The following RHBDD1 variants were observed in gnomAD, a reference collection of about 807,000 sequenced individuals.
The protein encoded by RHBDD1 is rhomboid-related protein 4.
Under a neutral mutation model 36.3 loss-of-function variants are expected in RHBDD1, and 38 were observed. The observed-to-expected ratio is 1.05, with a 90% CI of 0.81 to 1.37. RHBDD1 has a LOEUF of 1.37. Among genes scored for constraint, RHBDD1 ranks in the 40% most tolerant of loss-of-function variants. The pLI, the probability that RHBDD1 is intolerant of heterozygous loss-of-function variation, is 0.00. For missense variants in RHBDD1, 393 were observed against 377.6 expected, an observed-to-expected ratio of 1.04 and a Z score of -0.34; for synonymous variants, 151 against 136.5, an observed-to-expected ratio of 1.11 and a Z score of -0.74.
intron 5 of RHBDD1, among the ~76,000 whole-genome samples, chr2:226,878,330 A>C (rs190457314): frequency 5.3e-5 from 8 of 152,322 alleles, no homozygotes; most frequent in Admixed American, 5.2e-4. Context: ...ATAGCAATTT[A>C]GAAGATAACT....
At chr2:226,863,690 T>A (rs2125218688) in intron 3 of RHBDD1, among the ~76,000 whole-genome samples, 1 of 152,312 alleles carries the variant, frequency 6.6e-6, no homozygotes, top group African/African-American at 2.4e-5. Context: ...ACATGTTGTT[T>A]GAGAGGGTTT....
chr2:226,814,812 A>G, the RHBDD1 span, among the ~76,000 whole-genome samples: 4 of 152,368 alleles, frequency 2.6e-5, no homozygotes, highest in African/African-American at 9.6e-5. Flanking sequence ...AATTACTCAC[A>G]GAAAAAGCAT....
intron 3 of RHBDD1, among the ~76,000 whole-genome samples, chr2:226,840,785 T>G (rs1283183558): frequency 6.6e-6 from 1 of 152,186 alleles, no homozygotes; most frequent in African/African-American, 2.4e-5. Context: ...GAAATAAATA[T>G]AAATGTTACT....
At chr2:226,851,862 C>G (rs1190339633) in intron 3 of RHBDD1, among the ~76,000 whole-genome samples, 1 of 152,142 alleles carries the variant, frequency 6.6e-6, no homozygotes, top group Non-Finnish European at 1.5e-5. Context: ...TCCTTTGGAT[C>G]TTTTACCCTC....
At chr2:226,971,420 A>G (rs1454134488) in intron 8 of RHBDD1, among the ~76,000 whole-genome samples, 1 of 152,226 alleles carries the variant, frequency 6.6e-6, no homozygotes, top group Non-Finnish European at 1.5e-5. Context: ...GGGCATCTTC[A>G]AGCTGTGTAT....
chr2:226,812,278 C>T, the RHBDD1 span, among the ~76,000 whole-genome samples: 1 of 152,202 alleles, frequency 6.6e-6, no homozygotes, highest in Non-Finnish European at 1.5e-5. Flanking sequence ...TGTACAACTT[C>T]TCTGTATGGC....
In RHBDD1 at chr2:226,995,550, T is replaced by C. The variant is rs765132113; in HGVS notation, c.*28T>C. The stretch of plus-strand genomic sequence containing the variant: ...TGGCATCTTGGGAAGACATGGCCTA[T>C]TCGTGTAATTATTGCCCATTTGGCT... On this transcript the variant is annotated 3_prime_UTR_variant, in exon 9 of 9. Transcript: ENST00000392062. 2 of 1,464,202 alleles carry C rather than the reference T, an allele frequency of 1.4e-6. No individual in the cohort carries two copies. The highest frequency in any genetic ancestry group is 3.5e-5 in the Admixed American group (2 of 56,678). The allele number at this position is 1,464,202 out of a possible 1,614,324, so 90.7% of individuals were successfully genotyped here. A position where few individuals can be genotyped will look rare whatever the true frequency, so the allele number is the denominator to read the frequency against.
At chr2:226,904,420 GGGA>G (rs1947866241) in intron 5 of RHBDD1, among the ~76,000 whole-genome samples, 2 of 148,962 alleles carry the variant, frequency 1.3e-5, no homozygotes, top group Non-Finnish European at 3.0e-5. Context: ...CAAGCGGGGG[GGGA>G]GGGGGGTCAG....
intron 8 of RHBDD1, among the ~76,000 whole-genome samples, chr2:226,974,754 C>T (rs1163105850): frequency 6.6e-6 from 1 of 152,154 alleles, no homozygotes; most frequent in East Asian, 1.9e-4. Flanking sequence ...GTGGATACTC[C>T]CTGCAGGCTG....
intron 8 of RHBDD1, among the ~76,000 whole-genome samples, chr2:226,948,618 A>T (rs573609681): frequency 8.3e-4 from 126 of 151,746 alleles, no homozygotes; most frequent in African/African-American, 2.9e-3. Flanking sequence ...AAATAAAATA[A>T]ACTAGGTATT....
chr2:226,854,957 T>C (rs969431079), intron 3 of RHBDD1, among the ~76,000 whole-genome samples: 3 of 152,234 alleles, frequency 2.0e-5, no homozygotes, highest in Non-Finnish European at 2.9e-5. Context: ...GTATAATACA[T>C]GTTCTTATTA....
chr2:226,914,141 T>C lies in RHBDD1; in HGVS notation c.713-67T>C, dbSNP rs1014054049. ...TGCCTTACTCGCTTGTCTTTGCTTA[T>C]ACAAAACAGGAAGTATAAAACAACA... On this transcript the variant is annotated intron_variant, in intron 7 of 8. Transcript: ENST00000392062. The C allele has an allele frequency of 5.7e-5, 82 of 1,451,068 alleles. No individual in the cohort carries two copies. The South Asian group carries it at 9.6e-4, about 17-fold the overall frequency. 89.9% of individuals were successfully genotyped at this position (1,451,068 alleles called of 1,614,324 possible). A position where few individuals can be genotyped will look rare whatever the true frequency, so the allele number is the denominator to read the frequency against.
chr2:226,805,309 T>C, the RHBDD1 span, among the ~76,000 whole-genome samples: 7 of 152,228 alleles, frequency 4.6e-5, no homozygotes, highest in African/African-American at 1.7e-4. Context: ...ACCTCCCAGG[T>C]TGAAGCAATT....
intron 3 of RHBDD1, among the ~76,000 whole-genome samples, chr2:226,846,119 A>G (rs1306820428): frequency 6.6e-6 from 1 of 152,190 alleles, no homozygotes; most frequent in African/African-American, 2.4e-5. Flanking sequence ...CTCACAGTGA[A>G]TATTATATGT....
chr2:226,964,851 G>T (rs1269881551), intron 8 of RHBDD1, among the ~76,000 whole-genome samples: 2 of 152,188 alleles, frequency 1.3e-5, no homozygotes, highest in Non-Finnish European at 2.9e-5. Flanking sequence ...AGAAATAAGA[G>T]CCAGGTCACA....
At chr2:226,923,279 C>T (rs1009310674) in intron 8 of RHBDD1, among the ~76,000 whole-genome samples, 4 of 152,058 alleles carry the variant, frequency 2.6e-5, no homozygotes, top group Admixed American at 6.5e-5. Context: ...AGGATATTTT[C>T]GCTGGATATA....
intron 8 of RHBDD1, among the ~76,000 whole-genome samples, chr2:226,928,385 A>G: frequency 6.6e-6 from 1 of 152,100 alleles, no homozygotes; most frequent in Non-Finnish European, 1.5e-5. Context: ...AAATTAAGCA[A>G]ATCTGCTCCT....
intron 8 of RHBDD1, among the ~76,000 whole-genome samples, chr2:226,975,879 T>G (rs780750351): frequency 2.9e-4 from 44 of 152,138 alleles, no homozygotes; most frequent in Non-Finnish European, 2.1e-4. Flanking sequence ...ACCTTGTCCC[T>G]CTGAGGGTTC....
chr2:226,805,655 C>T, the RHBDD1 span, among the ~76,000 whole-genome samples: 1 of 152,222 alleles, frequency 6.6e-6, no homozygotes. Context: ...GCACTCTAAA[C>T]TTTCTAAATT....
Sources: allele counts gnomAD v4.1 joint callset (sites outside exome capture counted in the v4.1 genomes callset), GRCh38; gene constraint gnomAD v4.1.1; transcripts MANE v1.5; gene names NCBI Gene and HGNC (gene_info 2026-07-23, HGNC 2026-07-21).